Variants in TSHZ3 observed in about 807,000 individuals in gnomAD.
TSHZ3 encodes teashirt homolog 3.
In TSHZ3, 10 loss-of-function variants were observed where a neutral mutation model predicts 64.5. The observed-to-expected ratio is 0.16, with a 90% confidence interval of 0.10 to 0.26. TSHZ3 has a LOEUF of 0.26. Among genes scored for constraint, TSHZ3 ranks in the 10% least tolerant of loss-of-function variants. The pLI is 1.00. For synonymous variants in TSHZ3, 608 were observed against 593.1 expected (o/e 1.03, Z -0.36); for missense variants, 1,242 against 1,421.7 (o/e 0.87, Z 2.03).
At chr19:31,227,837 T>C (rs558248618) in intron 4 of TSHZ3, among the ~76,000 whole-genome samples, 3 of 152,170 alleles carry the variant, frequency 2.0e-5, no homozygotes, top group Non-Finnish European at 2.9e-5. Context: ...TCAGCAACCA[T>C]CCAGTTTCTT....
intron 6 of TSHZ3, among the ~76,000 whole-genome samples, chr19:31,153,142 G>A (rs1229496656): frequency 6.6e-6 from 1 of 152,144 alleles, no homozygotes; most frequent in Non-Finnish European, 1.5e-5. Flanking sequence ...GAGTTCAGCT[G>A]TTTACTACGG....
At chr19:31,188,995 AT>A (rs1258365730) in intron 5 of TSHZ3, among the ~76,000 whole-genome samples, 2 of 151,904 alleles carry the variant, frequency 1.3e-5, no homozygotes, top group African/African-American at 4.8e-5. Flanking sequence ...CTGTGTGTTA[AT>A]TTTGGTAATT....
intron 5 of TSHZ3, among the ~76,000 whole-genome samples, chr19:31,173,938 T>C (rs1020056910): frequency 1.3e-5 from 2 of 152,088 alleles, no homozygotes; most frequent in Non-Finnish European, 2.9e-5. Flanking sequence ...GGCGTGGTGG[T>C]GTTCCTGTAA....
At position 31,349,272 on chromosome 19, in the gene TSHZ3, G is replaced by A; in HGVS notation, c.-53C>T. 1 of 1,417,966 alleles carries A rather than the reference G, an allele frequency of 7.1e-7. No homozygotes were observed. The allele number at this position is 1,417,966 out of a possible 1,614,324, so 87.8% of individuals were successfully genotyped here. ...GCCGCCGCCGCCGCTGCCGGGCTGA[G>A]GACAGGGAGGGAGGGGGCGGCGGGC... is the stretch of plus-strand genomic sequence containing the variant. On this transcript the variant is annotated 5_prime_UTR_variant, in exon 1 of 2. Transcript: ENST00000240587.
chr19:31,234,305 C>A (rs1975578800), intron 3 of TSHZ3, among the ~76,000 whole-genome samples: 1 of 152,018 alleles, frequency 6.6e-6, no homozygotes, highest in Non-Finnish European at 1.5e-5. Context: ...ATAATGATAA[C>A]ATTTGTTAAT....
At chr19:31,345,633 G>T (rs1027864810) in intron 1 of TSHZ3, among the ~76,000 whole-genome samples, 3 of 152,094 alleles carry the variant, frequency 2.0e-5, no homozygotes, top group Admixed American at 2.0e-4. Context: ...CCCTTTCAAA[G>T]AATATAGCTT....
chr19:31,277,034 C>G lies in TSHZ3; in HGVS notation c.2759G>C (p.Gly920Ala), dbSNP rs138695588. ...FAASLRQTSEGKYIMSDLSPQ... is the reference protein window; with the variant it reads ...FAASLRQTSEAKYIMSDLSPQ... ...GCTCAGGTCTGACATGATGTACTTC[C>G]CTTCTGAGGTCTGCCGGAGGCTGGC... The change falls in exon 2 of 2, where the codon GGG becomes GCG. Residue 920 changes from glycine (G) to alanine (A), a missense_variant. Gly to Ala is a moderately conservative substitution (Grantham distance 60). This residue lies in a region of TSHZ3 where 550 missense variants were observed against 545.1 expected (regional missense o/e 1.01). Coordinates refer to ENST00000240587, the MANE Select transcript of TSHZ3 (RefSeq NM_020856.4). This position sits in a 1 kb window ranked among gnomAD's most constrained non-coding sequence, Gnocchi z 4.5. 8.1e-6 allele frequency: 13 copies of G among 1,610,358 alleles called. No individual in the cohort carries two copies. The highest frequency in any genetic ancestry group is 5.1e-6 in the Non-Finnish European group (6 of 1,177,540).
chr19:31,320,333 G>A (rs1249811823), intron 1 of TSHZ3, among the ~76,000 whole-genome samples: 1 of 152,098 alleles, frequency 6.6e-6, no homozygotes, highest in East Asian at 1.9e-4. Flanking sequence ...TTTTTGACTT[G>A]CTTTATCTAC....
chr19:31,242,914 T>C (rs1975713740), intron 1 of TSHZ3, among the ~76,000 whole-genome samples: 1 of 152,126 alleles, frequency 6.6e-6, no homozygotes, highest in Admixed American at 6.5e-5. Context: ...TTCCTCTGCC[T>C]TTTTGTTCTA....
chr19:31,289,063 T>C (rs1976515841), intron 1 of TSHZ3, among the ~76,000 whole-genome samples: 1 of 152,202 alleles, frequency 6.6e-6, no homozygotes. Context: ...CAACCAAGGA[T>C]TTCATAAGGA....
intron 4 of TSHZ3, among the ~76,000 whole-genome samples, chr19:31,211,475 A>G (rs1037106812): frequency 6.6e-6 from 1 of 152,110 alleles, no homozygotes; most frequent in Non-Finnish European, 1.5e-5. Flanking sequence ...TGGATGCATG[A>G]CTGTGGGCTC....
At chr19:31,208,731 T>A (rs1975220601) in intron 4 of TSHZ3, among the ~76,000 whole-genome samples, 5 of 152,230 alleles carry the variant, frequency 3.3e-5, no homozygotes, top group Admixed American at 3.3e-4. Context: ...AAGTCGTGGC[T>A]TTCCCAATGC....
intron 1 of TSHZ3, among the ~76,000 whole-genome samples, chr19:31,317,533 C>T (rs1916637128): frequency 6.6e-6 from 1 of 152,202 alleles, no homozygotes; most frequent in African/African-American, 2.4e-5. Context: ...TGGCCAAGCA[C>T]AGCAAGGATC....
intron 5 of TSHZ3, among the ~76,000 whole-genome samples, chr19:31,185,103 A>AG (rs1974782601): frequency 5.7e-5 from 4 of 70,522 alleles, no homozygotes; most frequent in Non-Finnish European, 1.1e-4. Context: ...GGAAACAACA[A>AG]CAAAAAAAAA....
intron 3 of TSHZ3, among the ~76,000 whole-genome samples, chr19:31,240,760 AG>A (rs1301384202): frequency 1.3e-5 from 2 of 152,154 alleles, no homozygotes; most frequent in African/African-American, 4.8e-5. Context: ...TTTATAAACA[AG>A]ATCCTTCTTT....
At chr19:31,345,155 T>A (rs771734724) in intron 1 of TSHZ3, among the ~76,000 whole-genome samples, 1 of 152,190 alleles carries the variant, frequency 6.6e-6, no homozygotes, top group African/African-American at 2.4e-5. Context: ...CTTTCCTTTT[T>A]AGAATTTGCA....
At chr19:31,349,070 T>G in intron 1 of TSHZ3, 110 bp downstream of exon 1, 2 of 1,377,912 alleles carry the variant, frequency 1.5e-6, no homozygotes, top group Admixed American at 2.3e-5. Flanking sequence ...CCGGAGTTAC[T>G]CAGTGCGGGC....
intron 5 of TSHZ3, among the ~76,000 whole-genome samples, chr19:31,183,872 AAC>A (rs1165056358): frequency 1.3e-5 from 2 of 152,302 alleles, no homozygotes; most frequent in African/African-American, 4.8e-5. Flanking sequence ...ATTAGTGCCG[AAC>A]AGTCATTTTT....
chr19:31,288,088 C>T (rs922121152), intron 1 of TSHZ3, among the ~76,000 whole-genome samples: 10 of 152,060 alleles, frequency 6.6e-5, no homozygotes, highest in South Asian at 4.2e-4. Context: ...GCACTAGATA[C>T]CTCGCCAGGA....
Sources: allele counts gnomAD v4.1 joint callset (sites outside exome capture counted in the v4.1 genomes callset), GRCh38; gene constraint gnomAD v4.1.1; regional missense constraint gnomAD v4.1.1; non-coding constraint Gnocchi (gnomAD v3.1); transcripts MANE v1.5; gene names NCBI Gene and HGNC (gene_info 2026-07-23, HGNC 2026-07-21).